Variants in RAPGEF4 observed in about 807,000 individuals in gnomAD.
RAPGEF4 encodes RAP guanine-nucleotide-exchange factor (GEF) 4.
Under a neutral mutation model 147.9 loss-of-function variants are expected in RAPGEF4, and 66 were observed. The observed-to-expected ratio is 0.45, with a 90% CI of 0.37 to 0.55. The LOEUF is 0.55. Among genes scored for constraint, RAPGEF4 ranks in the 20% least tolerant of loss-of-function variants. The pLI is 0.00. For synonymous variants in RAPGEF4, 419 were observed against 442.7 expected (o/e 0.95, Z 0.67); for missense variants, 1,071 against 1,257.3 (o/e 0.85, Z 2.24).
chr2:172,851,839 A>T (rs72906199), intron 4 of RAPGEF4, among the ~76,000 whole-genome samples: 28,286 of 152,210 alleles, frequency 0.19, 3,386 homozygotes, highest in Middle Eastern at 0.31. Context: ...AGATTAAAAA[A>T]GTACCTGTCG....
chr2:172,781,853 T>C (rs1411483528), intron 1 of RAPGEF4, among the ~76,000 whole-genome samples: 1 of 152,250 alleles, frequency 6.6e-6, no homozygotes, highest in Non-Finnish European at 1.5e-5. Flanking sequence ...AGTGTAGTTT[T>C]AAAATTTGTA....
intron 4 of RAPGEF4, among the ~76,000 whole-genome samples, chr2:172,838,234 G>T (rs1321225577): frequency 6.6e-6 from 1 of 151,990 alleles, no homozygotes; most frequent in Non-Finnish European, 1.5e-5. Context: ...TTATTTCTCT[G>T]TGGATATCAT....
intron 6 of RAPGEF4, among the ~76,000 whole-genome samples, chr2:172,948,757 A>G (rs939862092): frequency 7.2e-5 from 11 of 152,178 alleles, no homozygotes; most frequent in African/African-American, 2.7e-4. Context: ...AATGATGAGA[A>G]TACATGGACC....
chr2:172,876,546 T>A (rs187772053), intron 4 of RAPGEF4, among the ~76,000 whole-genome samples: 1 of 152,220 alleles, frequency 6.6e-6, no homozygotes. Flanking sequence ...TATACTGGAT[T>A]ACATTTATTG....
At chr2:172,862,177 A>T (rs1376226141) in intron 4 of RAPGEF4, among the ~76,000 whole-genome samples, 1 of 152,228 alleles carries the variant, frequency 6.6e-6, no homozygotes, top group African/African-American at 2.4e-5. Flanking sequence ...ACATATGGAA[A>T]AATCCCATAA....
Position 172,976,907 on chromosome 2 carries a change from G to C in RAPGEF4, c.1005-6589G>C, listed in dbSNP as rs117974392. On this transcript the variant is annotated intron_variant, in intron 10 of 30. Coordinates refer to ENST00000397081, the MANE Select transcript of RAPGEF4 (RefSeq NM_007023.4). Reference sequence around the variant, plus strand: ...TCCATCCCCATTTATTATCTTGTCTGTAACTAGACATTGCTGCCAGAATGC... The same window carrying C: ...TCCATCCCCATTTATTATCTTGTCTCTAACTAGACATTGCTGCCAGAATGC... Among the ~76,000 whole-genome samples the C allele has an allele frequency of 5.9e-5, 9 of 152,346 alleles. No homozygotes were observed. The East Asian group carries it at 1.3e-3, about 23-fold the overall frequency.
intron 11 of RAPGEF4, among the ~76,000 whole-genome samples, chr2:172,984,815 C>T (rs986755647): frequency 6.6e-6 from 1 of 152,172 alleles, no homozygotes; most frequent in African/African-American, 2.4e-5. Flanking sequence ...TGGGTAGTCT[C>T]GTCTTCTACC....
At chr2:172,778,013 T>C (rs995268189) in intron 1 of RAPGEF4, among the ~76,000 whole-genome samples, 2 of 152,190 alleles carry the variant, frequency 1.3e-5, no homozygotes, top group East Asian at 3.8e-4. Flanking sequence ...AAATTTCTTA[T>C]ATTAAAAATC....
intron 6 of RAPGEF4, among the ~76,000 whole-genome samples, chr2:172,923,092 G>A (rs1415303437): frequency 6.6e-6 from 1 of 152,174 alleles, no homozygotes; most frequent in African/African-American, 2.4e-5. Context: ...TCGGTCCCAT[G>A]TCTGTGGGAA....
intron 6 of RAPGEF4, among the ~76,000 whole-genome samples, chr2:172,951,049 A>T (rs1400120931): frequency 1.3e-5 from 2 of 152,254 alleles, no homozygotes; most frequent in South Asian, 2.1e-4. Context: ...TTTTAATGAG[A>T]TCCCCATGGG....
At chr2:172,965,043 C>T (rs1689683209) in intron 8 of RAPGEF4, 1 of 153,686 alleles carries the variant, frequency 6.5e-6, no homozygotes, top group South Asian at 2.0e-4. Flanking sequence ...TCTCCCAACA[C>T]CCCTCCAAGG....
chr2:173,001,365 T>C (rs1693899623), intron 17 of RAPGEF4, 21 bp downstream of exon 17: 1 of 1,613,380 alleles, frequency 6.2e-7, no homozygotes, highest in African/African-American at 1.3e-5. Flanking sequence ...ATTGTGATTG[T>C]AAGTCCCTAT....
rs1689270586 is a variant in RAPGEF4, at chr2:172,961,306, G to A, written c.698+78G>A. 1.5e-5 allele frequency: 18 copies of A among 1,190,096 alleles called. No homozygotes were observed. In the South Asian group the frequency reaches 2.0e-4, roughly 13 times the overall value. The allele number at this position is 1,190,096 out of a possible 1,614,324, so 73.7% of individuals were successfully genotyped here. On this transcript the variant is annotated intron_variant, in intron 8 of 30. Transcript: ENST00000397081. ...AAATGGAACAAAAATGCTTCTCCCT[G>A]TTTTCCATGTGGGCGCAGCCCATTT...
intron 6 of RAPGEF4, among the ~76,000 whole-genome samples, chr2:172,949,978 A>G (rs746659842): frequency 1.3e-5 from 2 of 152,228 alleles, no homozygotes; most frequent in African/African-American, 4.8e-5. Flanking sequence ...CTATCAGGGT[A>G]TCTGAGATAG....
At chr2:172,830,200 G>A (rs1201701124) in intron 4 of RAPGEF4, among the ~76,000 whole-genome samples, 1 of 152,200 alleles carries the variant, frequency 6.6e-6, no homozygotes, top group East Asian at 1.9e-4. Context: ...GATGGTGAGA[G>A]TGGAAATGGA....
intron 23 of RAPGEF4, among the ~76,000 whole-genome samples, chr2:173,025,064 A>G (rs1273764829): frequency 6.6e-6 from 1 of 152,168 alleles, no homozygotes; most frequent in Non-Finnish European, 1.5e-5. Context: ...CAAATACCCA[A>G]TAACTTCCCA....
chr2:172,889,634 T>C (rs1697669513), intron 4 of RAPGEF4: 1 of 152,634 alleles, frequency 6.6e-6, no homozygotes, highest in East Asian at 1.9e-4. Flanking sequence ...TATATATGTA[T>C]ATATACATAT....
At position 173,014,247 on chromosome 2, in the gene RAPGEF4, G is replaced by C. The variant is rs16861169; in HGVS notation, c.1659-217G>C. On this transcript the variant is annotated intron_variant, in intron 17 of 30. Transcript: ENST00000397081. ...GGAGTCTGTGAAAGTCTAATCCCTTGGGCAACTATCAGGCCAGAGTCAGCA... is the reference window on the plus strand; with the variant it reads ...GGAGTCTGTGAAAGTCTAATCCCTTCGGCAACTATCAGGCCAGAGTCAGCA... 5.8e-3 allele frequency among the ~76,000 whole-genome samples: 879 copies of C among 152,192 alleles called. 11 individuals are homozygous for C. The highest frequency in any genetic ancestry group is 0.02 in the African/African-American group (815 of 41,510).
chr2:173,037,822 G>A (rs958863932), intron 29 of RAPGEF4, among the ~76,000 whole-genome samples: 43 of 152,244 alleles, frequency 2.8e-4, no homozygotes, highest in Admixed American at 8.5e-4. Context: ...CAGAAAATGG[G>A]AATCATGCCC....
Sources: gnomAD v4.1 joint callset for allele counts (sites outside exome capture counted in the v4.1 genomes callset) on GRCh38, gnomAD v4.1.1 for gene constraint, MANE v1.5 for transcripts, NCBI Gene and HGNC (gene_info 2026-07-23, HGNC 2026-07-21) for gene names.